Variants in TBC1D10A observed in about 807,000 individuals in gnomAD.
The protein encoded by TBC1D10A is EBP50-PDX interactor of 64 kDa.
Under a neutral mutation model 52.9 loss-of-function variants are expected in TBC1D10A, and 24 were observed. The observed-to-expected ratio is 0.45, with a 90% confidence interval of 0.33 to 0.64. TBC1D10A has a LOEUF of 0.64. Ranked by LOEUF, TBC1D10A falls within the 30% of genes least tolerant of loss-of-function variation. TBC1D10A has a pLI of 0.02. For synonymous variants in TBC1D10A, 278 were observed against 282.9 expected (o/e 0.98, Z 0.17); for missense variants, 602 against 687.9 (o/e 0.88, Z 1.40).
chr22:30,301,774 G>A (rs1930206129), intron 2 of TBC1D10A, among the ~76,000 whole-genome samples: 1 of 152,194 alleles, frequency 6.6e-6, no homozygotes, highest in Admixed American at 6.5e-5. Flanking sequence ...AACAGGCTGA[G>A]GGTGGTGGGG....
At position 30,292,808 on chromosome 22, in the gene TBC1D10A, T is replaced by C. The variant is rs1477461310; in HGVS notation, c.1094A>G (p.His365Arg). Residue 365 changes from histidine to arginine, a missense_variant, in exon 9 of 9, where the codon CAC becomes CGC. By Grantham distance (29) the His-to-Arg change is conservative. Coordinates refer to ENST00000215790, the MANE Select transcript of TBC1D10A (RefSeq NM_031937.3). Reference protein sequence around the residue: ...PVTERQIEREHLIQLRRWQET... With the variant: ...PVTERQIERERLIQLRRWQET... ...CTGCCAGCGCCGCAGCTGAATGAGG[T>C]GTTCGCGCTCAATCTGGCGCTCTGT... The C allele has an allele frequency of 6.2e-7, 1 of 1,611,668 alleles. No individual in the cohort carries two copies. Among genetic ancestry groups the C allele is most frequent in the Non-Finnish European group, 8.5e-7 (1 of 1,179,928 alleles).
chr22:30,318,824 G>A (rs1364252171), intron 1 of TBC1D10A: 5 of 416,668 alleles, frequency 1.2e-5, no homozygotes, highest in African/African-American at 4.1e-5. Context: ...TCTTTATGCC[G>A]TCTTCCATGC....
intron 1 of TBC1D10A, among the ~76,000 whole-genome samples, chr22:30,307,429 G>A (rs1330532080): frequency 6.6e-6 from 1 of 152,144 alleles, no homozygotes; most frequent in South Asian, 2.1e-4. Context: ...TCACTCTATT[G>A]TTAAACAGTT....
chr22:30,310,887 A>G (rs1419146777), intron 1 of TBC1D10A, among the ~76,000 whole-genome samples: 1 of 151,784 alleles, frequency 6.6e-6, no homozygotes, highest in Non-Finnish European at 1.5e-5. Flanking sequence ...TCTTCTTATC[A>G]CCCTCTGTGC....
At chr22:30,313,687 C>T (rs1049811225) in intron 1 of TBC1D10A, among the ~76,000 whole-genome samples, 1 of 151,078 alleles carries the variant, frequency 6.6e-6, no homozygotes, top group African/African-American at 2.4e-5. Flanking sequence ...AGGCGTGAGC[C>T]ACCGTGCCTG....
chr22:30,304,380 G>T, intron 2 of TBC1D10A, 151 bp downstream of exon 2: 1 of 1,335,614 alleles, frequency 7.5e-7, no homozygotes, highest in Non-Finnish European at 1.0e-6. Flanking sequence ...CTTCAAGCCA[G>T]CTTCTGTCCT....
chr22:30,310,089 G>A (rs1197747535), intron 1 of TBC1D10A, among the ~76,000 whole-genome samples: 2 of 152,270 alleles, frequency 1.3e-5, no homozygotes, highest in Admixed American at 1.3e-4. Flanking sequence ...CAGGTGGGGT[G>A]TAGGGGAGAA....
intron 1 of TBC1D10A, among the ~76,000 whole-genome samples, chr22:30,317,094 G>A (rs748869323): frequency 7.9e-5 from 12 of 152,098 alleles, no homozygotes; most frequent in Non-Finnish European, 1.3e-4. Flanking sequence ...TTTATGTGGG[G>A]AAAACCGAGG....
At chr22:30,303,087 C>G (rs901533276) in intron 2 of TBC1D10A, among the ~76,000 whole-genome samples, 7 of 152,192 alleles carry the variant, frequency 4.6e-5, no homozygotes, top group Non-Finnish European at 8.8e-5. Flanking sequence ...TCCAGACCGG[C>G]CTGGGCAACA....
intron 1 of TBC1D10A, among the ~76,000 whole-genome samples, chr22:30,309,908 TC>T (rs893105462): frequency 1.3e-5 from 2 of 152,134 alleles, no homozygotes; most frequent in Non-Finnish European, 2.9e-5. Flanking sequence ...GCTCATCACC[TC>T]CTTATCCTAG....
Position 30,313,341 on chromosome 22 carries a change from ATGTGTGTGTGTGTG to A in TBC1D10A, c.210-8725_210-8712del, listed in dbSNP as rs6147586. On this transcript the variant is annotated intron_variant, in intron 1 of 8. Transcript: ENST00000215790. The stretch of plus-strand genomic sequence containing the variant: ...CTGATACCTAGCTGGTGCTCAATAA[ATGTGTGTGTGTGTG>A]TGTGTGTGTGTGTGTGTGTGTGTGT... Among the ~76,000 whole-genome samples the A allele has an allele frequency of 4.2e-3, 575 of 138,106 alleles. 10 individuals are homozygous for A. The highest frequency in any genetic ancestry group is 0.036 in the South Asian group (151 of 4,170). The allele number at this position is 138,106 out of a possible 152,430, so 90.6% of individuals were successfully genotyped here.
intron 1 of TBC1D10A, among the ~76,000 whole-genome samples, chr22:30,321,027 G>A (rs1326935007): frequency 5.9e-5 from 9 of 152,222 alleles, no homozygotes; most frequent in Non-Finnish European, 1.3e-4. Flanking sequence ...TTCAGGCCCA[G>A]ATGCTGGTAG....
intron 4 of TBC1D10A, 96 bp from the exon 5 acceptor site, chr22:30,295,151 G>C: frequency 8.1e-7 from 1 of 1,229,826 alleles, no homozygotes; most frequent in Non-Finnish European, 1.2e-6. Context: ...CTCAGAATCT[G>C]CCCCTCCCTT....
chr22:30,293,088 C>T (rs1275670518), intron 8 of TBC1D10A: 4 of 619,608 alleles, frequency 6.5e-6, no homozygotes, highest in South Asian at 2.0e-5. Flanking sequence ...CACAGCTTCA[C>T]GAGTCCACCT....
chr22:30,308,284 A>ATGCCTGCATGCCTGCCTGCC (rs1221085278), intron 1 of TBC1D10A, among the ~76,000 whole-genome samples: 1 of 119,664 alleles, frequency 8.4e-6, no homozygotes, highest in African/African-American at 3.2e-5. Context: ...CACAGCCTGC[A>ATGCCTGCATGCCTGCCTGCC]TGCCTGCATG....
At chr22:30,314,651 T>C (rs765645187) in intron 1 of TBC1D10A, among the ~76,000 whole-genome samples, 68 of 151,674 alleles carry the variant, frequency 4.5e-4, no homozygotes, top group Admixed American at 7.9e-4. Flanking sequence ...CTCTACAAAA[T>C]TGTTTTAAAA....
chr22:30,325,989 G>T (rs1425226730), intron 1 of TBC1D10A, among the ~76,000 whole-genome samples: 1 of 152,080 alleles, frequency 6.6e-6, no homozygotes, highest in Non-Finnish European at 1.5e-5. Flanking sequence ...CAGTGCCAGT[G>T]GAGGAAGCTG....
intron 1 of TBC1D10A, among the ~76,000 whole-genome samples, chr22:30,325,243 G>A (rs1378116837): frequency 6.6e-6 from 1 of 152,244 alleles, no homozygotes; most frequent in African/African-American, 2.4e-5. Context: ...AGATCCAGTG[G>A]GTGAGAGGGA....
chr22:30,303,306 T>TAGATAGATAGACAGACAGAC (rs139722034), intron 2 of TBC1D10A, among the ~76,000 whole-genome samples: 1 of 148,916 alleles, frequency 6.7e-6, no homozygotes, highest in Non-Finnish European at 1.5e-5. Context: ...GATAGATAGA[T>TAGATAGATAGACAGACAGAC]AGACAGACAG....
Sources: allele counts gnomAD v4.1 joint callset (sites outside exome capture counted in the v4.1 genomes callset), GRCh38; gene constraint gnomAD v4.1.1; transcripts MANE v1.5; gene names NCBI Gene and HGNC (gene_info 2026-07-23, HGNC 2026-07-21).